Variants in ZNF44 observed in about 807,000 individuals in gnomAD.
The protein encoded by ZNF44 is zinc finger protein 44.
ZNF44 carries 9 observed loss-of-function variants against 11.7 expected under a neutral mutation model. The observed-to-expected ratio is 0.77, with a 90% CI of 0.46 to 1.35. The LOEUF (loss-of-function observed/expected upper bound fraction) is 1.35. Ranked by LOEUF, ZNF44 falls within the 40% of genes most tolerant of loss-of-function variation. The pLI is 0.00. For synonymous variants in ZNF44, 224 were observed against 242.7 expected (o/e 0.92, Z 0.72); for missense variants, 696 against 743.1 (o/e 0.94, Z 0.74).
Position 12,273,012 on chromosome 19 carries a change from G to C in ZNF44, c.1243C>G (p.His415Asp). ...CATTCATAGGGTTTCTCTCCAGTGT[G>C]AGTCCTTTCATGTCTTTGAAATACA... ...PSVFQRHERT[H>D]TGEKPYECKQ... Residue 415 changes from histidine (H) to aspartate (D), a missense_variant, in exon 4 of 4, where the codon CAC (histidine) becomes GAC (aspartate). His to Asp is a moderately conservative substitution (Grantham distance 81). Coordinates refer to ENST00000355684, the MANE Select transcript of ZNF44 (RefSeq NM_016264.4). The C allele has an allele frequency of 1.2e-6, 2 of 1,614,114 alleles. No homozygotes were observed. The highest frequency in any genetic ancestry group is 1.7e-6 in the Non-Finnish European group (2 of 1,180,004).
intron 2 of ZNF44, among the ~76,000 whole-genome samples, chr19:12,275,256 C>T (rs530294442): frequency 6.6e-6 from 1 of 152,126 alleles, no homozygotes; most frequent in African/African-American, 2.4e-5. Flanking sequence ...AGTTAGCCTA[C>T]TCAATGTGAA....
At chr19:12,267,676 G>C (rs912288094), downstream of ZNF44, among the ~76,000 whole-genome samples, 12 of 152,076 alleles carry the variant, frequency 7.9e-5, no homozygotes, top group Non-Finnish European at 7.4e-5. Flanking sequence ...CCTCATGTGG[G>C]AACAATCTTC....
At chr19:12,227,919 A>T (rs905663020) in intron 3 of ZNF44, among the ~76,000 whole-genome samples, 2 of 152,196 alleles carry the variant, frequency 1.3e-5, no homozygotes, top group Admixed American at 1.3e-4. Context: ...TTTTTAATAA[A>T]ACCTTGTAGA....
chr19:12,247,104 A>T (rs1028597048), downstream of ZNF44, among the ~76,000 whole-genome samples: 10 of 152,018 alleles, frequency 6.6e-5, no homozygotes, highest in African/African-American at 2.2e-4. Flanking sequence ...TGATAAATAC[A>T]TTTATAATAT....
At chr19:12,268,131 T>TACAC (rs1230538619), downstream of ZNF44, among the ~76,000 whole-genome samples, 10 of 106,702 alleles carry the variant, frequency 9.4e-5, no homozygotes, top group Non-Finnish European at 1.7e-4. Flanking sequence ...TTGGTGTTCT[T>TACAC]ACACACACAC....
In ZNF44 at chr19:12,272,233, G is replaced by C. The variant is rs1192751206; in HGVS notation, c.*174C>G. On this transcript the variant is annotated 3_prime_UTR_variant, in exon 4 of 4. Transcript: ENST00000355684. ...TTAGCCAGGCTGGTCTCGATCTCCT[G>C]GCCTCGTGATCTGCCCTCCTCGGCC... 9.1e-7 allele frequency: 1 copy of C among 1,098,210 alleles called. No homozygotes were observed. Among genetic ancestry groups the C allele is most frequent in the Non-Finnish European group, 1.2e-6 (1 of 854,766 alleles). 68.0% of individuals were successfully genotyped at this position (1,098,210 alleles called of 1,614,324 possible). A position where few individuals can be genotyped will look rare whatever the true frequency, so the allele number is the denominator to read the frequency against.
chr19:12,263,663 C>T (rs67589278), intron 5 of ZNF44, among the ~76,000 whole-genome samples: 30,955 of 151,690 alleles, frequency 0.2, 4,071 homozygotes, highest in African/African-American at 0.38. Flanking sequence ...CAGTGGCTCA[C>T]GCCTGTAATC....
intron 5 of ZNF44, among the ~76,000 whole-genome samples, chr19:12,258,604 T>C (rs1599508423): frequency 6.6e-6 from 1 of 152,004 alleles, no homozygotes. Flanking sequence ...CCACAGCAGG[T>C]GAATCACTTG....
chr19:12,248,169 A>T, exon 8 of ZNF44: 1 of 1,306,880 alleles, frequency 7.7e-7, no homozygotes, highest in Non-Finnish European at 1.0e-6. Context: ...GCGGTAAATG[A>T]AGGGTTTCCC....
intron 1 of ZNF44, among the ~76,000 whole-genome samples, chr19:12,280,926 A>T (rs1271737884): frequency 1.3e-5 from 2 of 152,316 alleles, no homozygotes; most frequent in Admixed American, 6.5e-5. Context: ...TGCCCATAAA[A>T]CAGAGCATCA....
intron 2 of ZNF44, among the ~76,000 whole-genome samples, chr19:12,233,802 A>G (rs1019398957): frequency 1.3e-5 from 2 of 152,082 alleles, no homozygotes; most frequent in Admixed American, 6.5e-5. Flanking sequence ...AGTGGCTCAC[A>G]CCTGTAATCC....
At chr19:12,241,598 G>C (rs1321395346), upstream of ZNF44, among the ~76,000 whole-genome samples, 1 of 152,160 alleles carries the variant, frequency 6.6e-6, no homozygotes, top group Non-Finnish European at 1.5e-5. Context: ...AGGAGGCTGA[G>C]ACAGGAGAAA....
At position 12,250,504 on chromosome 19, in the gene ZNF44, T is replaced by C. The variant is rs1057346367; in HGVS notation, c.1913-136A>G. 18 of 771,186 alleles carry C rather than the reference T, an allele frequency of 2.3e-5. 1 individual carries two copies. The highest frequency in any genetic ancestry group is 2.9e-5 in the Non-Finnish European group (16 of 557,504). The allele number at this position is 771,186 out of a possible 1,614,324, so 47.8% of individuals were successfully genotyped here. On this transcript the variant is annotated intron_variant and NMD_transcript_variant, in intron 5 of 7. Coordinates refer to the ZNF44 transcript ENST00000393337. ...TTCTATGAATTTGTTGTCAGAACTC[T>C]AACTCTTTGGCCACACTCCCTCAGT...
chr19:12,274,181 C>A, intron 3 of ZNF44, 118 bp from the exon 4 acceptor site: 1 of 787,058 alleles, frequency 1.3e-6, no homozygotes, highest in Non-Finnish European at 2.0e-6. Context: ...TGTCCTGCTT[C>A]AATGTGAATG....
intron 5 of ZNF44, among the ~76,000 whole-genome samples, chr19:12,256,342 A>C (rs1917256220): frequency 6.6e-6 from 1 of 151,968 alleles, no homozygotes; most frequent in Non-Finnish European, 1.5e-5. Flanking sequence ...CAAAAAAATT[A>C]GCCAGGCATG....
In ZNF44 at chr19:12,273,581, T is replaced by C. The variant is rs767885528; in HGVS notation, c.674A>G (p.Tyr225Cys). 4.3e-6 allele frequency: 7 copies of C among 1,614,082 alleles called. No individual in the cohort carries two copies. Among genetic ancestry groups the C allele is most frequent in the South Asian group, 2.2e-5 (2 of 91,084 alleles). The change falls in exon 4 of 4, where the codon TAT (tyrosine) becomes TGT (cysteine). Residue 225 changes from tyrosine (Y) to cysteine (C), a missense_variant. Coordinates refer to ENST00000355684, the MANE Select transcript of ZNF44 (RefSeq NM_016264.4). Reference sequence around the variant, plus strand: ...GGCTTTAGAACACTGCTTACATTCATATGGTTTCTCTCCAGTGTGAGTTCT... The same window carrying C: ...GGCTTTAGAACACTGCTTACATTCACATGGTTTCTCTCCAGTGTGAGTTCT... ...HERTHTGEKP[Y>C]ECKQCSKAFP...
At position 12,250,990 on chromosome 19, in the gene ZNF44, C is replaced by A. The variant is rs182159208; in HGVS notation, c.1913-622G>T. Among the ~76,000 whole-genome samples the A allele has an allele frequency of 5.9e-5, 9 of 152,064 alleles. No individual in the cohort carries two copies. The East Asian group carries it at 1.4e-3, about 23-fold the overall frequency. On this transcript the variant is annotated intron_variant and NMD_transcript_variant, in intron 5 of 7. Transcript: ENST00000393337. ...CGTGTAATCCTAGCACTTTGGGAGG[C>A]CGAGGCGGGCAGATTATCTGAGCTC...
chr19:12,284,756 C>G, intron 1 of ZNF44: 1 of 828,394 alleles, frequency 1.2e-6, no homozygotes, highest in African/African-American at 1.7e-5. Context: ...CCACTGCCAT[C>G]CGCGGGGCCA....
rs1172459369 is a variant in ZNF44, at chr19:12,272,300, GC to G, written c.*106del. 16 of 1,389,026 alleles carry G rather than the reference GC, an allele frequency of 1.2e-5. No individual in the cohort carries two copies. Among genetic ancestry groups the G allele is most frequent in the Non-Finnish European group, 1.5e-5 (16 of 1,075,022 alleles). 86.0% of individuals were successfully genotyped at this position (1,389,026 alleles called of 1,614,324 possible). On this transcript the variant is annotated 3_prime_UTR_variant, in exon 4 of 4. Transcript: ENST00000355684. ...TTACAGGTGTGAGCCGCTGCGCCCA[GC>G]CTGGAAACTTCTTAAGGCTTTACCA... is the stretch of plus-strand genomic sequence containing the variant.
Sources: gnomAD v4.1 joint callset for allele counts (sites outside exome capture counted in the v4.1 genomes callset) on GRCh38, gnomAD v4.1.1 for gene constraint, MANE v1.5 for transcripts, NCBI Gene and HGNC (gene_info 2026-07-23, HGNC 2026-07-21) for gene names.